GPC5: variants seen among roughly 807,000 people sequenced by gnomAD.
GPC5 encodes glypican-5.
A neutral mutation model predicts 53.9 loss-of-function variants in GPC5; 47 were observed. That is an observed-to-expected ratio of 0.87 (90% CI 0.69 to 1.11). GPC5 has a LOEUF of 1.11. Ranked by LOEUF, GPC5 falls within the 50% of genes most tolerant of loss-of-function variation. GPC5 has a pLI of 0.00. For synonymous variants in GPC5, 286 were observed against 263.3 expected, an observed-to-expected ratio of 1.09 and a Z score of -0.84; for missense variants, 748 against 713.1, an observed-to-expected ratio of 1.05 and a Z score of -0.56.
intron 7 of GPC5, among the ~76,000 whole-genome samples, chr13:92,750,735 T>C (rs1889364656): frequency 6.6e-6 from 1 of 152,166 alleles, no homozygotes; most frequent in Non-Finnish European, 1.5e-5. Context: ...TTAAATTCAG[T>C]TCATTCTGAG....
At chr13:91,423,390 C>G (rs1291854321) in intron 1 of GPC5, among the ~76,000 whole-genome samples, 2 of 152,018 alleles carry the variant, frequency 1.3e-5, no homozygotes, top group East Asian at 3.8e-4. Context: ...GGCTTATAGT[C>G]TAAGGAAAAT....
At chr13:91,905,960 A>T (rs1480683650) in intron 5 of GPC5, among the ~76,000 whole-genome samples, 2 of 152,018 alleles carry the variant, frequency 1.3e-5, no homozygotes, top group Non-Finnish European at 2.9e-5. Flanking sequence ...ATAGTGGTGA[A>T]GTCTGAGATT....
chr13:92,138,203 T>C (rs538962281), intron 6 of GPC5, among the ~76,000 whole-genome samples: 3 of 152,108 alleles, frequency 2.0e-5, no homozygotes, highest in Non-Finnish European at 2.9e-5. Context: ...CTAATACGAT[T>C]GATATTCATG....
chr13:91,986,818 T>C (rs565904804), intron 6 of GPC5, among the ~76,000 whole-genome samples: 1 of 151,966 alleles, frequency 6.6e-6, no homozygotes, highest in African/African-American at 2.4e-5. Flanking sequence ...ATAGCCTTCA[T>C]GGTATATGTT....
At chr13:91,854,327 G>A (rs1347377364) in intron 5 of GPC5, among the ~76,000 whole-genome samples, 1 of 151,724 alleles carries the variant, frequency 6.6e-6, no homozygotes. Context: ...CATGAAATAT[G>A]TAATAATCAC....
rs146063097 is a variant in GPC5, at chr13:91,685,437, C to G, written c.326-7750C>G. Among the ~76,000 whole-genome samples, 4 of 152,282 alleles carry G rather than the reference C, an allele frequency of 2.6e-5. No individual in the cohort carries two copies. In the East Asian group the frequency reaches 5.8e-4, roughly 22 times the overall value. On this transcript the variant is annotated intron_variant, in intron 2 of 7. Coordinates refer to ENST00000377067, the MANE Select transcript of GPC5 (RefSeq NM_004466.6). ...TGTATTTGGTAAACTCAGAAAGTTT[C>G]CTATTGAGAATAAGATTAAGAACTT...
intron 6 of GPC5, among the ~76,000 whole-genome samples, chr13:92,132,615 G>A (rs1256821920): frequency 6.6e-6 from 1 of 151,994 alleles, no homozygotes; most frequent in Non-Finnish European, 1.5e-5. Flanking sequence ...TCTTCCCTCT[G>A]TGCGTATTCC....
chr13:92,302,889 A>G (rs529775461), intron 7 of GPC5, among the ~76,000 whole-genome samples: 34 of 152,240 alleles, frequency 2.2e-4, no homozygotes, highest in African/African-American at 8.2e-4. Flanking sequence ...TTCTTATGGG[A>G]GGATCAAAGG....
intron 3 of GPC5, among the ~76,000 whole-genome samples, chr13:91,704,230 T>C (rs2036051098): frequency 6.6e-6 from 1 of 151,986 alleles, no homozygotes; most frequent in Non-Finnish European, 1.5e-5. Context: ...ACTGATCCTT[T>C]TGTCATTATG....
chr13:92,031,183 G>A (rs1341960279), intron 6 of GPC5, among the ~76,000 whole-genome samples: 1 of 152,028 alleles, frequency 6.6e-6, no homozygotes, highest in Non-Finnish European at 1.5e-5. Flanking sequence ...ATTGCGCGAT[G>A]TATTTCCTCA....
At chr13:91,778,553 A>C (rs1028431637) in intron 5 of GPC5, among the ~76,000 whole-genome samples, 4 of 152,138 alleles carry the variant, frequency 2.6e-5, no homozygotes, top group Non-Finnish European at 5.9e-5. Flanking sequence ...TTGTTCACAA[A>C]TATCAATACA....
intron 7 of GPC5, among the ~76,000 whole-genome samples, chr13:92,221,808 G>A (rs772991439): frequency 2.1e-4 from 32 of 151,718 alleles, no homozygotes; most frequent in Non-Finnish European, 4.0e-4. Flanking sequence ...GCATTTTTTC[G>A]TACGACTCAA....
intron 6 of GPC5, among the ~76,000 whole-genome samples, chr13:92,098,472 G>A (rs1366319696): frequency 2.6e-5 from 4 of 152,124 alleles, no homozygotes; most frequent in Non-Finnish European, 4.4e-5. Context: ...AGTTGATGCT[G>A]CAATGTGAAC....
At chr13:91,999,195 C>T (rs148377772) in intron 6 of GPC5, among the ~76,000 whole-genome samples, 64 of 116,382 alleles carry the variant, frequency 5.5e-4, no homozygotes, top group African/African-American at 2.3e-3. Flanking sequence ...TCCTTAAGTG[C>T]ATCAAAATAA....
In GPC5 at chr13:92,376,686, A is replaced by G. The variant is rs191151162; in HGVS notation, c.1561+231697A>G. Among the ~76,000 whole-genome samples the G allele has an allele frequency of 2.6e-3, 403 of 152,288 alleles. 1 individual carries two copies. The highest frequency in any genetic ancestry group is 9.1e-3 in the African/African-American group (379 of 41,574). On this transcript the variant is annotated intron_variant, in intron 7 of 7. Transcript: ENST00000377067. The stretch of plus-strand genomic sequence containing the variant: ...GTTGGATCCAAAAATGGGGTTCTCA[A>G]TAGGATTTCTGATAAACCTAGGCAA...
At chr13:92,030,691 A>G (rs1030415239) in intron 6 of GPC5, among the ~76,000 whole-genome samples, 2 of 152,106 alleles carry the variant, frequency 1.3e-5, no homozygotes, top group Non-Finnish European at 2.9e-5. Flanking sequence ...TGAGACAGCC[A>G]AGTACAAAGA....
chr13:91,575,789 G>A (rs908467499), intron 2 of GPC5, among the ~76,000 whole-genome samples: 1 of 151,920 alleles, frequency 6.6e-6, no homozygotes, highest in Non-Finnish European at 1.5e-5. Flanking sequence ...TAAGTAAAGC[G>A]GCTATTTTCT....
chr13:91,737,396 A>G (rs1179628857), intron 4 of GPC5, among the ~76,000 whole-genome samples: 1 of 151,414 alleles, frequency 6.6e-6, no homozygotes, highest in African/African-American at 2.5e-5. Context: ...CCAAGAGAAT[A>G]CCTCTAGCAG....
chr13:92,562,634 C>A (rs1882735042), intron 7 of GPC5, among the ~76,000 whole-genome samples: 1 of 151,982 alleles, frequency 6.6e-6, no homozygotes. Flanking sequence ...TTCATTATTT[C>A]TTCAATATGC....
Sources: gnomAD v4.1 joint callset for allele counts (sites outside exome capture counted in the v4.1 genomes callset) on GRCh38, gnomAD v4.1.1 for gene constraint, MANE v1.5 for transcripts, NCBI Gene and HGNC (gene_info 2026-07-23, HGNC 2026-07-21) for gene names.